The following CBFA2T2 variants were observed in gnomAD, a reference collection of about 807,000 sequenced individuals.
CBFA2T2 encodes the protein CBFA2/RUNX1 partner transcriptional co-repressor 2, also known as protein CBFA2T2.
In CBFA2T2, 11 loss-of-function variants were observed where a neutral mutation model predicts 62.2. That is an observed-to-expected ratio of 0.18 (90% CI 0.11 to 0.29). The LOEUF is 0.29. CBFA2T2 is among the 10% of genes least tolerant of loss of function. The pLI is 1.00. For missense variants in CBFA2T2, 592 were observed against 774.1 expected (o/e 0.76, Z 2.79); for synonymous variants, 295 against 287.5 (o/e 1.03, Z -0.27).
At chr20:33,579,120 T>G (rs531174962) in intron 1 of CBFA2T2, among the ~76,000 whole-genome samples, 28 of 151,274 alleles carry the variant, frequency 1.9e-4, no homozygotes, top group East Asian at 5.8e-4. Flanking sequence ...TTTTTGTTTT[T>G]TTTTTTTTTT....
intron 1 of CBFA2T2, among the ~76,000 whole-genome samples, chr20:33,536,616 G>C (rs1282299776): frequency 2.6e-5 from 4 of 151,346 alleles, no homozygotes; most frequent in Non-Finnish European, 5.9e-5. Context: ...TCACTTCTCA[G>C]ACGGGGCGGT....
intron 1 of CBFA2T2, among the ~76,000 whole-genome samples, chr20:33,579,115 G>GT (rs533821689): frequency 0.1 from 12,748 of 128,068 alleles, 595 homozygotes; most frequent in Non-Finnish European, 0.12. Context: ...GTTTTTTTTT[G>GT]TTTTTTTTTT....
intron 1 of CBFA2T2, among the ~76,000 whole-genome samples, chr20:33,606,148 G>A (rs746274191): frequency 1.3e-5 from 2 of 152,004 alleles, no homozygotes; most frequent in Non-Finnish European, 2.9e-5. Context: ...ATAACTGATT[G>A]ATTTTCTTTT....
intron 1 of CBFA2T2, among the ~76,000 whole-genome samples, chr20:33,506,031 A>G (rs2011396818): frequency 6.6e-6 from 1 of 152,200 alleles, no homozygotes; most frequent in African/African-American, 2.4e-5. Context: ...TGGAAGTTGC[A>G]GTGAGCTGAA....
rs546929570 is a variant in CBFA2T2, at chr20:33,582,068, G to A, written c.35-24888G>A. On this transcript the variant is annotated intron_variant, in intron 1 of 10. Coordinates refer to ENST00000342704, the MANE Select transcript of CBFA2T2 (RefSeq NM_001032999.3). ...TTTTTTGTCCCAGTCTACTTGAGATGTACCTTCCTTGAACCCTTATTGCCC... is the reference window on the plus strand; with the variant it reads ...TTTTTTGTCCCAGTCTACTTGAGATATACCTTCCTTGAACCCTTATTGCCC... Among the ~76,000 whole-genome samples, 4 of 152,244 alleles carry A rather than the reference G, an allele frequency of 2.6e-5. No individual in the cohort carries two copies. The East Asian group carries it at 5.8e-4, about 22-fold the overall frequency.
rs2017192491 is a variant in CBFA2T2 at position 33,649,939 on chromosome 20, CTT to C, written c.*5294_*5295del. 6.6e-6 allele frequency: 1 copy of C among 152,588 alleles called. No individual in the cohort carries two copies. The highest frequency in any genetic ancestry group is 1.5e-5 in the Non-Finnish European group (1 of 68,030). 9.5% of individuals were successfully genotyped at this position (152,588 alleles called of 1,614,324 possible). A position where few individuals can be genotyped will look rare whatever the true frequency, so the allele number is the denominator to read the frequency against. On this transcript the variant is annotated 3_prime_UTR_variant, in exon 11 of 11. Coordinates refer to ENST00000342704, the MANE Select transcript of CBFA2T2 (RefSeq NM_001032999.3). ...TTTTGTTACCTAACTCTGTGCATAA[CTT>C]ATTTAATGTACTGTATAAATGAACC...
At chr20:33,506,733 A>G (rs923144878) in intron 1 of CBFA2T2, among the ~76,000 whole-genome samples, 2 of 152,198 alleles carry the variant, frequency 1.3e-5, no homozygotes, top group Admixed American at 6.6e-5. Flanking sequence ...GGTTCAATCA[A>G]TGGAGGCAGG....
At chr20:33,542,531 G>GTA (rs1474989018) in intron 1 of CBFA2T2, among the ~76,000 whole-genome samples, 2 of 151,972 alleles carry the variant, frequency 1.3e-5, no homozygotes, top group East Asian at 1.9e-4. Context: ...AATTATCAAT[G>GTA]TATATATATT....
chr20:33,647,186 A>G lies in CBFA2T2; in HGVS notation c.*2540A>G, dbSNP rs1247915275. On this transcript the variant is annotated 3_prime_UTR_variant, in exon 11 of 11. Transcript: ENST00000342704. ...GGACAGGGCCACATTTGCATGAGAC[A>G]TGGCTGTCTCACAGGTCACAGAGCC... The G allele has an allele frequency of 1.3e-5, 2 of 152,246 alleles. No homozygotes were observed. Among genetic ancestry groups the G allele is most frequent in the Non-Finnish European group, 2.9e-5 (2 of 68,062 alleles). The allele number at this position is 152,246 out of a possible 1,614,324, so 9.4% of individuals were successfully genotyped here. A position where few individuals can be genotyped will look rare whatever the true frequency, so the allele number is the denominator to read the frequency against.
intron 1 of CBFA2T2, among the ~76,000 whole-genome samples, chr20:33,583,910 TTTTATTTA>T (rs370631379): frequency 8.5e-5 from 13 of 152,070 alleles, no homozygotes; most frequent in East Asian, 5.8e-4. Context: ...GTTTAAGTGA[TTTTATTTA>T]TTTATTTATT....
intron 1 of CBFA2T2, among the ~76,000 whole-genome samples, chr20:33,547,687 A>ATATGTG (rs375808215): frequency 4.3e-5 from 6 of 139,072 alleles, no homozygotes; most frequent in Non-Finnish European, 7.7e-5. Context: ...TCTCAAAAAA[A>ATATGTG]TGTGTGTGTG....
chr20:33,575,919 A>G (rs1298979207), intron 1 of CBFA2T2, among the ~76,000 whole-genome samples: 1 of 150,976 alleles, frequency 6.6e-6, no homozygotes, highest in Non-Finnish European at 1.5e-5. Flanking sequence ...CTGGGACTAC[A>G]GGCGCCAGCC....
chr20:33,602,564 T>C (rs1227142704), intron 1 of CBFA2T2, among the ~76,000 whole-genome samples: 1 of 151,942 alleles, frequency 6.6e-6, no homozygotes, highest in African/African-American at 2.4e-5. Context: ...AATACAGTGG[T>C]TCCCCCTTAC....
intron 1 of CBFA2T2, among the ~76,000 whole-genome samples, chr20:33,536,619 G>A (rs1023252814): frequency 1.3e-5 from 2 of 151,268 alleles, no homozygotes; most frequent in East Asian, 2.0e-4. Flanking sequence ...CTTCTCAGAC[G>A]GGGCGGTTGC....
intron 1 of CBFA2T2, among the ~76,000 whole-genome samples, chr20:33,531,297 T>G (rs1388992408): frequency 6.6e-6 from 1 of 152,122 alleles, no homozygotes; most frequent in Admixed American, 6.6e-5. Context: ...GACCACAGTT[T>G]CAGGTACAGA....
At chr20:33,602,151 T>C (rs1395562345) in intron 1 of CBFA2T2, among the ~76,000 whole-genome samples, 1 of 152,138 alleles carries the variant, frequency 6.6e-6, no homozygotes, top group Non-Finnish European at 1.5e-5. Flanking sequence ...AAGTAAACCA[T>C]GTGAGAGTAT....
intron 1 of CBFA2T2, among the ~76,000 whole-genome samples, chr20:33,510,966 A>G (rs934305425): frequency 4.6e-5 from 7 of 152,014 alleles, no homozygotes; most frequent in Admixed American, 4.6e-4. Context: ...TCCTTCACCC[A>G]CGTTTTGATG....
intron 1 of CBFA2T2, among the ~76,000 whole-genome samples, chr20:33,535,621 TTC>T (rs1378177552): frequency 0.039 from 5,427 of 140,154 alleles, 341 homozygotes; most frequent in African/African-American, 0.14. Flanking sequence ...TTTTTATTTT[TTC>T]TTTTTTTTTT....
intron 3 of CBFA2T2, among the ~76,000 whole-genome samples, 197 bp from the exon 4 acceptor site, chr20:33,619,320 T>TC (rs1428362459): frequency 1.3e-5 from 2 of 151,746 alleles, no homozygotes; most frequent in African/African-American, 4.8e-5. Context: ...GAGTTCACCG[T>TC]CAGGAGATCA....
Sources: gnomAD v4.1 joint callset for allele counts (sites outside exome capture counted in the v4.1 genomes callset) on GRCh38, gnomAD v4.1.1 for gene constraint, MANE v1.5 for transcripts, NCBI Gene and HGNC (gene_info 2026-07-23, HGNC 2026-07-21) for gene names.